USP47: variants seen among roughly 807,000 people sequenced by gnomAD.
USP47 encodes ubiquitin carboxyl-terminal hydrolase 47.
In USP47, 35 loss-of-function variants were observed where a neutral mutation model predicts 165.1. That is an observed-to-expected ratio of 0.21 (90% CI 0.16 to 0.28). USP47 has a LOEUF of 0.28. USP47 is among the 10% of genes least tolerant of loss of function. The pLI, the probability that USP47 is intolerant of heterozygous loss-of-function variation, is 1.00. For synonymous variants in USP47, 531 were observed against 544.5 expected (o/e 0.98, Z 0.35); for missense variants, 1,277 against 1,607.4 (o/e 0.79, Z 3.52).
At chr11:11,882,494 A>G (rs1169537111) in intron 2 of USP47, among the ~76,000 whole-genome samples, 1 of 152,200 alleles carries the variant, frequency 6.6e-6, no homozygotes, top group African/African-American at 2.4e-5. Context: ...TAAAATTGGT[A>G]GTCGGACAAG....
chr11:11,881,063 C>G (rs570271019), intron 2 of USP47, among the ~76,000 whole-genome samples: 1 of 152,184 alleles, frequency 6.6e-6, no homozygotes, highest in Admixed American at 6.6e-5. Flanking sequence ...TAGTTTCTCT[C>G]TTTCATGGTG....
chr11:11,957,176 C>T lies in USP47; in HGVS notation c.*1001C>T, dbSNP rs1296671139. The T allele has an allele frequency of 2.0e-5, 3 of 152,162 alleles. No homozygotes were observed. Among genetic ancestry groups the T allele is most frequent in the Admixed American group, 2.0e-4 (3 of 15,282 alleles). The allele number at this position is 152,162 out of a possible 1,614,324, so 9.4% of individuals were successfully genotyped here. On this transcript the variant is annotated 3_prime_UTR_variant, in exon 28 of 28. Transcript: ENST00000527733. ...TTGAAGATTTACTTCAAGTTTGAAT[C>T]TTCTAGAATGCTTGTAAGTCCAGTT...
chr11:11,898,179 T>A (rs1238213487), intron 5 of USP47, among the ~76,000 whole-genome samples: 1 of 151,986 alleles, frequency 6.6e-6, no homozygotes, highest in Non-Finnish European at 1.5e-5. Context: ...CCATATACAT[T>A]AGATAGTTTA....
chr11:11,847,278 TG>T (rs1848480005), intron 1 of USP47, among the ~76,000 whole-genome samples: 1 of 150,842 alleles, frequency 6.6e-6, no homozygotes, highest in Non-Finnish European at 1.5e-5. Context: ...ATTTACATAG[TG>T]TTTTTTTTTT....
chr11:11,860,304 C>A (rs1028127506), intron 1 of USP47, among the ~76,000 whole-genome samples: 1 of 151,664 alleles, frequency 6.6e-6, no homozygotes, highest in Non-Finnish European at 1.5e-5. Context: ...ACTTTTAGGA[C>A]CCTGAGAGTG....
chr11:11,889,280 A>G (rs568617505), intron 3 of USP47, among the ~76,000 whole-genome samples: 69 of 152,326 alleles, frequency 4.5e-4, no homozygotes, highest in African/African-American at 1.3e-3. Context: ...TGCAGATGAC[A>G]TGATCCTGTA....
intron 11 of USP47, among the ~76,000 whole-genome samples, chr11:11,926,302 T>G (rs2134647565): frequency 6.6e-6 from 1 of 152,302 alleles, no homozygotes; most frequent in East Asian, 1.9e-4. Flanking sequence ...CAAAGCAACC[T>G]GGTCCTGGGG....
At chr11:11,858,998 T>C (rs1185376882) in intron 1 of USP47, among the ~76,000 whole-genome samples, 1 of 152,210 alleles carries the variant, frequency 6.6e-6, no homozygotes, top group African/African-American at 2.4e-5. Context: ...CTGGTTGTTC[T>C]GTATCTTTGT....
intron 7 of USP47, among the ~76,000 whole-genome samples, chr11:11,904,944 T>C (rs1227743881): frequency 6.6e-6 from 1 of 152,120 alleles, no homozygotes; most frequent in Non-Finnish European, 1.5e-5. Flanking sequence ...TTGTGAGAAG[T>C]GATATACATA....
At chr11:11,895,866 T>C (rs560281184) in intron 4 of USP47, among the ~76,000 whole-genome samples, 17 of 152,322 alleles carry the variant, frequency 1.1e-4, no homozygotes, top group African/African-American at 4.1e-4. Context: ...TCTTTTTGCA[T>C]GTGCCCTCTA....
rs1453438175 is a variant in USP47, at chr11:11,884,554, G to T, written c.331G>T (p.Asp111Tyr). 1.9e-6 allele frequency: 3 copies of T among 1,609,456 alleles called. No individual in the cohort carries two copies. Among genetic ancestry groups the T allele is most frequent in the Non-Finnish European group, 8.5e-7 (1 of 1,178,706 alleles). Residue 111 changes from aspartate to tyrosine, a missense_variant, in exon 3 of 28, where the codon GAT (aspartate) becomes TAT (tyrosine). Physicochemically the swap from Asp to Tyr is radical, Grantham distance 160. Coordinates refer to ENST00000527733, the MANE Select transcript of USP47 (RefSeq NM_001282659.2). ...GAACTTTCTGCATTTGACAGATAAA[G>T]ATGGTGAACAACCTCAAATACTGCT... ...KKNFLHLTDKDGEQPQILLED... is the reference protein window; with the variant it reads ...KKNFLHLTDKYGEQPQILLED...
In USP47 at chr11:11,842,012, C is replaced by T. The variant is rs967203437; in HGVS notation, c.-174C>T. The T allele has an allele frequency of 1.2e-4, 83 of 685,918 alleles. No individual in the cohort carries two copies. The highest frequency in any genetic ancestry group is 1.9e-4 in the Admixed American group (6 of 30,932). The allele number at this position is 685,918 out of a possible 1,614,324, so 42.5% of individuals were successfully genotyped here. A position where few individuals can be genotyped will look rare whatever the true frequency, so the allele number is the denominator to read the frequency against. On this transcript the variant is annotated 5_prime_UTR_variant, in exon 1 of 28. Transcript: ENST00000527733. Reference sequence around the variant, plus strand: ...GGTAGCGGCGGCGGCGGCGGCGGAGCCCTGGGTCGGTGTCTGCGCGCTGGT... The same window carrying T: ...GGTAGCGGCGGCGGCGGCGGCGGAGTCCTGGGTCGGTGTCTGCGCGCTGGT...
chr11:11,875,370 G>C (rs1203553516), intron 1 of USP47, among the ~76,000 whole-genome samples: 2 of 151,910 alleles, frequency 1.3e-5, no homozygotes, highest in Non-Finnish European at 2.9e-5. Context: ...CAAAAATTAT[G>C]ATGTTATCAG....
chr11:11,915,426 G>A (rs1324197829), intron 8 of USP47, among the ~76,000 whole-genome samples: 4 of 152,120 alleles, frequency 2.6e-5, no homozygotes, highest in Admixed American at 2.0e-4. Flanking sequence ...CTTTTGACGG[G>A]TGTTGAATAT....
chr11:11,845,111 A>T (rs1014658554), intron 1 of USP47, among the ~76,000 whole-genome samples: 1 of 152,226 alleles, frequency 6.6e-6, no homozygotes, highest in African/African-American at 2.4e-5. Context: ...CCATTTATTT[A>T]GTATTTTGTA....
intron 25 of USP47, among the ~76,000 whole-genome samples, chr11:11,954,463 G>GTTT (rs1431064933): frequency 6.6e-6 from 1 of 152,000 alleles, no homozygotes. Context: ...TTGAGACGGG[G>GTTT]TTTCACCATG....
At chr11:11,923,123 A>G (rs529447097) in intron 11 of USP47, among the ~76,000 whole-genome samples, 2 of 145,594 alleles carry the variant, frequency 1.4e-5, no homozygotes, top group East Asian at 4.1e-4. Context: ...GCTTACAGGT[A>G]AGAACATTAA....
chr11:11,901,013 T>C (rs1214413353), intron 5 of USP47, among the ~76,000 whole-genome samples: 1 of 152,150 alleles, frequency 6.6e-6, no homozygotes, highest in African/African-American at 2.4e-5. Context: ...AAAAGGGAGC[T>C]GGGGATTGAG....
intron 3 of USP47, among the ~76,000 whole-genome samples, chr11:11,888,759 C>G (rs1851328233): frequency 6.6e-6 from 1 of 152,036 alleles, no homozygotes; most frequent in African/African-American, 2.4e-5. Flanking sequence ...GAAAAGAAAA[C>G]TTAAGGCCAG....
Sources: allele counts gnomAD v4.1 joint callset (sites outside exome capture counted in the v4.1 genomes callset), GRCh38; gene constraint gnomAD v4.1.1; transcripts MANE v1.5; gene names NCBI Gene and HGNC (gene_info 2026-07-23, HGNC 2026-07-21).